The following SUFU variants were observed in gnomAD, a reference collection of about 807,000 sequenced individuals.
SUFU encodes the protein suppressor of fused homolog.
Under a neutral mutation model 58.9 loss-of-function variants are expected in SUFU, and 7 were observed. The observed-to-expected ratio is 0.12, with a 90% CI of 0.07 to 0.22. SUFU has a LOEUF of 0.22. Ranked by LOEUF, SUFU falls within the 10% of genes least tolerant of loss-of-function variation. SUFU has a pLI of 1.00. For synonymous variants in SUFU, 232 were observed against 254.8 expected (o/e 0.91, Z 0.85); for missense variants, 451 against 641.3 (o/e 0.70, Z 3.20).
At chr10:102,621,939 C>T (rs138335116) in intron 10 of SUFU, among the ~76,000 whole-genome samples, 2 of 152,376 alleles carry the variant, frequency 1.3e-5, no homozygotes, top group Non-Finnish European at 2.9e-5. Context: ...TGCAGCCTGG[C>T]TTGCCCAGGG....
At chr10:102,555,004 C>G (rs1434096494) in intron 3 of SUFU, among the ~76,000 whole-genome samples, 3 of 152,304 alleles carry the variant, frequency 2.0e-5, no homozygotes, top group Non-Finnish European at 4.4e-5. Flanking sequence ...CGCAGTGGCT[C>G]ATGCCTGTAA....
At chr10:102,546,268 C>CA (rs1268895154) in intron 2 of SUFU, among the ~76,000 whole-genome samples, 1 of 152,188 alleles carries the variant, frequency 6.6e-6, no homozygotes, top group Non-Finnish European at 1.5e-5. Context: ...GAGCAGGAAA[C>CA]AATCTTGAGA....
intron 2 of SUFU, among the ~76,000 whole-genome samples, chr10:102,547,157 A>G (rs531696986): frequency 5.9e-5 from 9 of 152,166 alleles, no homozygotes; most frequent in Non-Finnish European, 1.2e-4. Flanking sequence ...AGTCTAATAC[A>G]TTTTACAAAG....
At position 102,620,526 on chromosome 10, in the gene SUFU, G is replaced by A. The variant is rs542047073; in HGVS notation, c.1296+3098G>A. ...CTCCCTGCTTTATGGAGGATCTGGGGGTGCAGGAAGCCAGCTCCAGTTCCA... is the reference window on the plus strand; with the variant it reads ...CTCCCTGCTTTATGGAGGATCTGGGAGTGCAGGAAGCCAGCTCCAGTTCCA... On this transcript the variant is annotated intron_variant, in intron 10 of 11. Transcript: ENST00000369902. Among the ~76,000 whole-genome samples, 6 of 152,304 alleles carry A rather than the reference G, an allele frequency of 3.9e-5. No homozygotes were observed. The South Asian group carries it at 1.2e-3, about 32-fold the overall frequency.
intron 3 of SUFU, among the ~76,000 whole-genome samples, chr10:102,580,575 G>T (rs967440877): frequency 2.6e-5 from 4 of 152,124 alleles, no homozygotes; most frequent in African/African-American, 9.7e-5. Context: ...AGGAAGGAGA[G>T]TTGCTGTTAC....
At chr10:102,514,447 A>G (rs1323418387) in intron 2 of SUFU, among the ~76,000 whole-genome samples, 1 of 152,236 alleles carries the variant, frequency 6.6e-6, no homozygotes, top group East Asian at 1.9e-4. Flanking sequence ...AAAGGAAACC[A>G]GGCAAGAGAG....
At chr10:102,503,891 C>T (rs1357033458), upstream of SUFU, 1 of 456,880 alleles carries the variant, frequency 2.2e-6, no homozygotes, top group African/African-American at 2.1e-5. Flanking sequence ...CTGGCACAGA[C>T]ATTAGCCAAT....
chr10:102,509,433 A>G (rs2062372480), intron 2 of SUFU, 130 bp downstream of exon 2: 1 of 1,309,568 alleles, frequency 7.6e-7, no homozygotes, highest in Admixed American at 1.7e-5. Flanking sequence ...CCCTCTGACT[A>G]TATCTACTCA....
chr10:102,626,405 TGG>T (rs1344241557), intron 10 of SUFU, among the ~76,000 whole-genome samples: 1 of 151,998 alleles, frequency 6.6e-6, no homozygotes, highest in African/African-American at 2.4e-5. Context: ...AGCCAAATAG[TGG>T]GGCCAGACTC....
chr10:102,563,750 G>C (rs2063061750), intron 3 of SUFU, among the ~76,000 whole-genome samples: 1 of 151,766 alleles, frequency 6.6e-6, no homozygotes, highest in South Asian at 2.1e-4. Context: ...AGGTGAAATG[G>C]CCAGTTTGGG....
chr10:102,619,028 A>T lies in SUFU; in HGVS notation c.1296+1600A>T. 1 of 1,608,768 alleles carries T rather than the reference A, an allele frequency of 6.2e-7. No individual in the cohort carries two copies. Among genetic ancestry groups the T allele is most frequent in the Non-Finnish European group, 8.5e-7 (1 of 1,178,820 alleles). On this transcript the variant is annotated intron_variant, in intron 10 of 11. Coordinates refer to ENST00000369902, the MANE Select transcript of SUFU (RefSeq NM_016169.4). This position sits in a 1 kb window ranked among gnomAD's most constrained non-coding sequence, Gnocchi z 4.2. Reference sequence around the variant, plus strand: ...GACAGTCGGGACTGGGGCCTCCCCAAACTGCAGAATCTACCCAGTTATGTT... The same window carrying T: ...GACAGTCGGGACTGGGGCCTCCCCATACTGCAGAATCTACCCAGTTATGTT...
intron 2 of SUFU, among the ~76,000 whole-genome samples, chr10:102,548,951 G>C (rs969845325): frequency 2.6e-5 from 4 of 152,254 alleles, no homozygotes; most frequent in Admixed American, 1.3e-4. Context: ...TAGGGTTCCA[G>C]CAATTGAAGA....
chr10:102,564,276 C>T (rs562962277), intron 3 of SUFU, among the ~76,000 whole-genome samples: 20 of 152,332 alleles, frequency 1.3e-4, no homozygotes, highest in African/African-American at 3.1e-4. Flanking sequence ...ATATCTTTTC[C>T]TCAGGTAAAG....
At chr10:102,627,766 G>A (rs2063799336) in intron 11 of SUFU, among the ~76,000 whole-genome samples, 1 of 152,200 alleles carries the variant, frequency 6.6e-6, no homozygotes, top group Admixed American at 6.5e-5. Flanking sequence ...TTCCAGCCCT[G>A]GCTCAGAGCT....
intron 3 of SUFU, among the ~76,000 whole-genome samples, chr10:102,551,272 C>T (rs944042024): frequency 6.6e-6 from 1 of 152,166 alleles, no homozygotes; most frequent in Admixed American, 6.5e-5. Context: ...GCCCATCAAC[C>T]TCTTCGAGGA....
intron 2 of SUFU, among the ~76,000 whole-genome samples, chr10:102,545,293 A>ATTTTT (rs1162195255): frequency 8.5e-5 from 9 of 106,266 alleles, no homozygotes; most frequent in African/African-American, 1.8e-4. Context: ...TAATTTTTGT[A>ATTTTT]TTTTTTTTTT....
chr10:102,577,113 T>C (rs1051514194), intron 3 of SUFU, among the ~76,000 whole-genome samples: 7 of 138,824 alleles, frequency 5.0e-5, no homozygotes, highest in African/African-American at 1.9e-4. Context: ...AGATGGAGTC[T>C]CACCCTGTTG....
chr10:102,576,839 C>G (rs2063216699), intron 3 of SUFU, among the ~76,000 whole-genome samples: 1 of 152,100 alleles, frequency 6.6e-6, no homozygotes, highest in Non-Finnish European at 1.5e-5. Flanking sequence ...TCCCAAGTAG[C>G]TGTGGAACTA....
At chr10:102,562,888 C>T (rs1393485793) in intron 3 of SUFU, among the ~76,000 whole-genome samples, 3 of 152,156 alleles carry the variant, frequency 2.0e-5, no homozygotes, top group African/African-American at 7.2e-5. Context: ...GAGACTCCGT[C>T]TCAAAAAAAC....
Sources: allele counts gnomAD v4.1 joint callset (sites outside exome capture counted in the v4.1 genomes callset), GRCh38; gene constraint gnomAD v4.1.1; non-coding constraint Gnocchi (gnomAD v3.1); transcripts MANE v1.5; gene names NCBI Gene and HGNC (gene_info 2026-07-23, HGNC 2026-07-21).